The following ANKRD12 variants were observed in gnomAD, a reference collection of about 807,000 sequenced individuals.
ANKRD12 encodes ankyrin repeat domain 12.
In ANKRD12, 85 loss-of-function variants were observed where a neutral mutation model predicts 183.4. The ratio of observed to expected loss-of-function variants is 0.46; its 90% CI spans 0.39 to 0.56. ANKRD12 has a LOEUF of 0.56. ANKRD12 is among the 20% of genes least tolerant of loss of function. ANKRD12 has a pLI of 0.00. For missense variants in ANKRD12, 2,405 were observed against 2,357.1 expected (o/e 1.02, Z -0.42); for synonymous variants, 914 against 800.2 (o/e 1.14, Z -2.40).
chr18:9,222,003 T>A lies in ANKRD12; in HGVS notation c.943+4T>A, dbSNP rs2036446959. On this transcript the variant is annotated splice_donor_region_variant and intron_variant, in intron 8 of 12. Coordinates refer to ENST00000262126, the MANE Select transcript of ANKRD12 (RefSeq NM_015208.5). ...GATGATGATGAAAGTTACACAGGTT[T>A]GTTTCAGATAATCTACATTCATCTG... 1.2e-6 allele frequency: 2 copies of A among 1,613,488 alleles called. No homozygotes were observed. Among genetic ancestry groups the A allele is most frequent in the African/African-American group, 1.3e-5 (1 of 74,980 alleles).
At chr18:9,182,335 C>CTTCAGGTAGG in intron 1 of ANKRD12, 47 bp from the exon 2 acceptor site, 10 of 663,340 alleles carry the variant, frequency 1.5e-5, no homozygotes, top group Non-Finnish European at 2.4e-5. Context: ...GGTGCGTAAC[C>CTTCAGGTAGG]TATTGTATAT....
Position 9,257,698 on chromosome 18 carries a change from T to C in ANKRD12, c.4431T>C (p.Ser1477=), listed in dbSNP as rs1437811779. The change falls in exon 9 of 13, where the codon TCT becomes TCC. Residue 1477 remains serine, a synonymous_variant. Transcript: ENST00000262126. ...SLRQTELPGN[S]CAQDPASFMP... The stretch of plus-strand genomic sequence containing the variant: ...GCCAGACTGAACTGCCAGGAAACTC[T>C]TGTGCTCAGGATCCGGCATCCTTTA... 6.2e-7 allele frequency: 1 copy of C among 1,614,092 alleles called. No individual in the cohort carries two copies. The highest frequency in any genetic ancestry group is 1.1e-5 in the South Asian group (1 of 91,090).
intron 2 of ANKRD12, among the ~76,000 whole-genome samples, chr18:9,186,534 A>C (rs527256851): frequency 8.3e-4 from 126 of 152,166 alleles, no homozygotes; most frequent in Non-Finnish European, 1.7e-3. Context: ...GTTTGATGTC[A>C]AAAGCTGTTG....
intron 11 of ANKRD12, among the ~76,000 whole-genome samples, chr18:9,278,542 T>G (rs1359030041): frequency 1.3e-5 from 2 of 152,250 alleles, no homozygotes; most frequent in African/African-American, 4.8e-5. Context: ...CTTACGCCTG[T>G]ATTCCCAGCA....
intron 8 of ANKRD12, among the ~76,000 whole-genome samples, chr18:9,222,572 G>A (rs1204765356): frequency 6.6e-6 from 1 of 151,560 alleles, no homozygotes; most frequent in African/African-American, 2.4e-5. Context: ...CATATTTCAG[G>A]CAAAATTCAG....
intron 1 of ANKRD12, among the ~76,000 whole-genome samples, chr18:9,175,082 G>A (rs768991413): frequency 2.0e-5 from 3 of 152,068 alleles, no homozygotes; most frequent in Admixed American, 6.5e-5. Context: ...AGCCTCCAGA[G>A]TAGCTGGGAA....
intron 2 of ANKRD12, among the ~76,000 whole-genome samples, chr18:9,192,012 T>C (rs1265851108): frequency 2.6e-5 from 4 of 152,220 alleles, no homozygotes; most frequent in African/African-American, 9.7e-5. Flanking sequence ...TTTCTTCTTT[T>C]ACCTCTTGAC....
intron 6 of ANKRD12, among the ~76,000 whole-genome samples, chr18:9,214,169 TTAAATACA>T (rs1267351961): frequency 3.3e-5 from 5 of 151,950 alleles, no homozygotes; most frequent in African/African-American, 4.8e-5. Flanking sequence ...TAGGAAAAAA[TTAAATACA>T]TTATAAGTGC....
chr18:9,164,280 T>G (rs1441991534), intron 1 of ANKRD12, among the ~76,000 whole-genome samples: 1 of 152,216 alleles, frequency 6.6e-6, no homozygotes, highest in Non-Finnish European at 1.5e-5. Context: ...GAGATAATCA[T>G]GTGGTGTCTG....
In ANKRD12 at chr18:9,258,783, A is replaced by G. The variant is rs1182326129; in HGVS notation, c.5516A>G (p.Tyr1839Cys). 4 of 1,613,924 alleles carry G rather than the reference A, an allele frequency of 2.5e-6. No homozygotes were observed. The highest frequency in any genetic ancestry group is 3.4e-6 in the Non-Finnish European group (4 of 1,179,870). Residue 1839 changes from tyrosine (Y) to cysteine (C), a missense_variant, in exon 9 of 13, where the codon TAC (tyrosine) becomes TGC (cysteine). By Grantham distance (194) the Tyr-to-Cys change is radical. This residue lies in a region of ANKRD12 where 162 missense variants were observed against 272.2 expected (regional missense o/e 0.60). Coordinates refer to ENST00000262126, the MANE Select transcript of ANKRD12 (RefSeq NM_015208.5). ...SSERANPYFE[Y>C]LHIRKKIEEK... is the part of the protein sequence containing the mutation. ...GAGAGAGCAAATCCATATTTTGAAT[A>G]CTTGCACATAAGGAAAAAAATAGAA...
intron 10 of ANKRD12, among the ~76,000 whole-genome samples, chr18:9,267,284 A>G (rs2039347707): frequency 1.3e-5 from 2 of 152,192 alleles, no homozygotes; most frequent in African/African-American, 2.4e-5. Context: ...ATAGACATTT[A>G]CAGAACTCTC....
At chr18:9,277,582 C>T (rs915504166) in intron 11 of ANKRD12, among the ~76,000 whole-genome samples, 9 of 151,890 alleles carry the variant, frequency 5.9e-5, no homozygotes, top group African/African-American at 2.2e-4. Context: ...CCGCCTCGGC[C>T]TCCCAAAGTG....
chr18:9,184,762 A>G (rs1207483714), intron 2 of ANKRD12, among the ~76,000 whole-genome samples: 1 of 152,212 alleles, frequency 6.6e-6, no homozygotes, highest in African/African-American at 2.4e-5. Context: ...TTATATTTAC[A>G]GAGTTGTATG....
chr18:9,138,388 CTG>C (rs1313335903), intron 1 of ANKRD12, among the ~76,000 whole-genome samples: 1 of 152,180 alleles, frequency 6.6e-6, no homozygotes. Context: ...TGGCGCATGT[CTG>C]TAATCCCAGC....
At chr18:9,169,987 G>A (rs901434236) in intron 1 of ANKRD12, among the ~76,000 whole-genome samples, 1 of 152,140 alleles carries the variant, frequency 6.6e-6, no homozygotes, top group African/African-American at 2.4e-5. Flanking sequence ...AGTTTGGCCG[G>A]ATATGAAATT....
intron 11 of ANKRD12, among the ~76,000 whole-genome samples, chr18:9,275,915 C>T (rs1325129124): frequency 6.6e-6 from 1 of 152,186 alleles, no homozygotes; most frequent in East Asian, 1.9e-4. Context: ...GGATAGTGCC[C>T]TTACAGGTAC....
chr18:9,155,509 CTG>C (rs547055885), intron 1 of ANKRD12, among the ~76,000 whole-genome samples: 4 of 152,302 alleles, frequency 2.6e-5, no homozygotes, highest in African/African-American at 9.6e-5. Flanking sequence ...GAAGAGAAGA[CTG>C]TGCGTTTAAA....
chr18:9,173,717 G>A (rs2032983064), intron 1 of ANKRD12, among the ~76,000 whole-genome samples: 1 of 152,130 alleles, frequency 6.6e-6, no homozygotes, highest in Admixed American at 6.6e-5. Flanking sequence ...CCAATCAGGA[G>A]GGACAGGATC....
chr18:9,275,823 A>G (rs920955026), intron 11 of ANKRD12, among the ~76,000 whole-genome samples, 156 bp downstream of exon 11: 9 of 152,264 alleles, frequency 5.9e-5, no homozygotes, highest in African/African-American at 2.2e-4. Context: ...TTCCAGATCA[A>G]CTGGTCCTCC....
Sources: allele counts gnomAD v4.1 joint callset (sites outside exome capture counted in the v4.1 genomes callset), GRCh38; gene constraint gnomAD v4.1.1; regional missense constraint gnomAD v4.1.1; transcripts MANE v1.5; gene names NCBI Gene and HGNC (gene_info 2026-07-23, HGNC 2026-07-21).